NUP93: variants seen among roughly 807,000 people sequenced by gnomAD.
The protein encoded by NUP93 is nuclear pore complex protein Nup93.
In NUP93, 55 loss-of-function variants were observed where a neutral mutation model predicts 107.8. The ratio of observed to expected loss-of-function variants is 0.51; its 90% confidence interval spans 0.41 to 0.64. NUP93 has a LOEUF of 0.64. Among genes scored for constraint, NUP93 ranks in the 30% least tolerant of loss-of-function variants. The probability of loss-of-function intolerance (pLI) is 0.00; values close to 1 mark genes in which losing one functional copy is unlikely to be tolerated. For missense variants in NUP93, 937 were observed against 1,044.7 expected (o/e 0.90, Z 1.42); for synonymous variants, 390 against 397.5 (o/e 0.98, Z 0.22).
chr16:56,819,749 C>T (rs1405518737), intron 6 of NUP93, among the ~76,000 whole-genome samples: 3 of 152,186 alleles, frequency 2.0e-5, no homozygotes, highest in Admixed American at 2.0e-4. Flanking sequence ...ACCTGGTTAG[C>T]TGATGGTATT....
chr16:56,753,131 T>C (rs1455304074), intron 2 of NUP93, among the ~76,000 whole-genome samples: 1 of 152,244 alleles, frequency 6.6e-6, no homozygotes, highest in East Asian at 1.9e-4. Flanking sequence ...CAACTCATTA[T>C]TCAGGGTAAT....
At chr16:56,824,928 C>G (rs1448544978) in intron 8 of NUP93, among the ~76,000 whole-genome samples, 1 of 152,136 alleles carries the variant, frequency 6.6e-6, no homozygotes, top group African/African-American at 2.4e-5. Flanking sequence ...CAAGCGTTAG[C>G]TGAATTTTTG....
chr16:56,764,071 C>G (rs1278918317), intron 3 of NUP93, among the ~76,000 whole-genome samples: 1 of 152,180 alleles, frequency 6.6e-6, no homozygotes, highest in Non-Finnish European at 1.5e-5. Context: ...GCTTGCCACA[C>G]TGTATCTATA....
At chr16:56,836,235 A>AT (rs1326842382) in intron 16 of NUP93, among the ~76,000 whole-genome samples, 4 of 151,566 alleles carry the variant, frequency 2.6e-5, no homozygotes, top group African/African-American at 9.7e-5. Flanking sequence ...TTTTTCAGAT[A>AT]TTTTTTCTAA....
At position 56,829,055 on chromosome 16, in the gene NUP93, A is replaced by G. The variant is rs200550671; in HGVS notation, c.873A>G (p.Gln291=). ...AQLGGVPGTY[Q]LVRSFLNIKL... is the part of the protein sequence containing the mutation. ...TGGGCGGGGTGCCTGGGACTTACCA[A>G]TTGGTTCGAAGTTTCCTGAACATTA... Residue 291 remains glutamine (Q), a synonymous_variant, in exon 9 of 22, where the codon CAA becomes CAG. Transcript: ENST00000308159. 2.5e-6 allele frequency: 4 copies of G among 1,613,382 alleles called. No homozygotes were observed. The highest frequency in any genetic ancestry group is 1.7e-5 in the Admixed American group (1 of 59,826).
chr16:56,768,040 G>A (rs1369710373), intron 3 of NUP93, among the ~76,000 whole-genome samples: 1 of 152,156 alleles, frequency 6.6e-6, no homozygotes, highest in Admixed American at 6.5e-5. Flanking sequence ...TTTTTAAAAT[G>A]GGGTTTGTTA....
At chr16:56,756,118 CT>C (rs562242144) in intron 2 of NUP93, among the ~76,000 whole-genome samples, 8 of 148,018 alleles carry the variant, frequency 5.4e-5, no homozygotes, top group African/African-American at 7.4e-5. Context: ...ACCCACTCTT[CT>C]TTTTTTTTTA....
At chr16:56,778,045 A>G (rs1384515090) in intron 3 of NUP93, among the ~76,000 whole-genome samples, 5 of 152,208 alleles carry the variant, frequency 3.3e-5, no homozygotes, top group East Asian at 1.9e-4. Flanking sequence ...TCTTCTACCT[A>G]TAGAGCCAAC....
intron 13 of NUP93, 144 bp from the exon 14 acceptor site, chr16:56,833,984 C>CT (rs1350858905): frequency 5.5e-6 from 6 of 1,098,882 alleles, no homozygotes; most frequent in African/African-American, 1.6e-5. Context: ...GTAAAAGGGA[C>CT]TGGCCAAAGC....
chr16:56,774,644 G>A (rs904983254), intron 3 of NUP93, among the ~76,000 whole-genome samples: 1 of 152,142 alleles, frequency 6.6e-6, no homozygotes, highest in East Asian at 1.9e-4. Context: ...GCTTCTCTTG[G>A]CTTTGAAGAG....
chr16:56,802,841 C>G (rs1454385583), intron 4 of NUP93, among the ~76,000 whole-genome samples: 3 of 152,138 alleles, frequency 2.0e-5, no homozygotes, highest in Non-Finnish European at 4.4e-5. Flanking sequence ...TTTGAAAAGG[C>G]TTAAGCTGAT....
In NUP93 at chr16:56,848,893, T is replaced by C. The variant is rs1467333267; in HGVS notation, c.*4284T>C. The C allele has an allele frequency of 6.6e-6, 1 of 152,240 alleles. No homozygotes were observed. The highest frequency in any genetic ancestry group is 1.5e-5 in the Non-Finnish European group (1 of 68,034). The allele number at this position is 152,240 out of a possible 1,614,324, so 9.4% of individuals were successfully genotyped here. A position where few individuals can be genotyped will look rare whatever the true frequency, so the allele number is the denominator to read the frequency against. On this transcript the variant is annotated 3_prime_UTR_variant, in exon 22 of 22. Coordinates refer to ENST00000308159, the MANE Select transcript of NUP93 (RefSeq NM_014669.5). ...TTAAAAGTAGGCTCGTTTTTTTCGT[T>C]TTTTTGTCCAGGATCACCTAAGTGA...
rs139515234 is a variant in NUP93, at chr16:56,841,875, C to T, written c.2349+42C>T. On this transcript the variant is annotated intron_variant, in intron 21 of 21. Transcript: ENST00000308159. ...CGCGAGAAACATTGCTAAGCACCAC[C>T]TTTCTGGTTTGGAATCCGTTGCGCT... 4 of 1,609,520 alleles carry T rather than the reference C, an allele frequency of 2.5e-6. No homozygotes were observed. The African/African-American group carries it at 4.0e-5, about 16-fold the overall frequency.
intron 3 of NUP93, among the ~76,000 whole-genome samples, chr16:56,772,265 G>A (rs753294049): frequency 6.6e-6 from 1 of 152,108 alleles, no homozygotes; most frequent in African/African-American, 2.4e-5. Context: ...GTGAAAACAC[G>A]GCTGTTAGAA....
chr16:56,824,944 A>G (rs1399003522), intron 8 of NUP93, among the ~76,000 whole-genome samples: 1 of 152,188 alleles, frequency 6.6e-6, no homozygotes, highest in Non-Finnish European at 1.5e-5. Flanking sequence ...TTTTGTGTTT[A>G]AGTTTTGGGT....
chr16:56,821,298 G>A (rs1963536543), intron 6 of NUP93, among the ~76,000 whole-genome samples: 1 of 152,138 alleles, frequency 6.6e-6, no homozygotes, highest in Non-Finnish European at 1.5e-5. Context: ...CCGTTCCTCA[G>A]GTGTTTGGAA....
chr16:56,833,127 C>A, intron 12 of NUP93, 88 bp from the exon 13 acceptor site: 1 of 1,150,580 alleles, frequency 8.7e-7, no homozygotes, highest in Non-Finnish European at 1.2e-6. Flanking sequence ...GTCCTGTGGG[C>A]TCACAGGGCT....
chr16:56,839,136 T>C, intron 19 of NUP93, 67 bp downstream of exon 19: 2 of 1,093,424 alleles, frequency 1.8e-6, no homozygotes, highest in Non-Finnish European at 2.8e-6. Flanking sequence ...AAACACTTCA[T>C]GGAATTTACT....
chr16:56,743,559 A>G (rs1344257990), intron 1 of NUP93, among the ~76,000 whole-genome samples: 1 of 152,058 alleles, frequency 6.6e-6, no homozygotes, highest in Non-Finnish European at 1.5e-5. Context: ...GCTTCTGAAA[A>G]AAGGTGGGTC....
Sources: allele counts gnomAD v4.1 joint callset (sites outside exome capture counted in the v4.1 genomes callset), GRCh38; gene constraint gnomAD v4.1.1; transcripts MANE v1.5; gene names NCBI Gene and HGNC (gene_info 2026-07-23, HGNC 2026-07-21).